CIMIP4: variants seen among roughly 807,000 people sequenced by gnomAD.
CIMIP4 encodes the protein protein EAN57.
the CIMIP4 span, chr22:36,991,618 A>G: frequency 6.2e-7 from 1 of 1,601,884 alleles, no homozygotes. Flanking sequence ...AGAAACCCCA[A>G]GTGCCCAATT....
chr22:36,991,306 G>T, the CIMIP4 span: 1 of 1,610,844 alleles, frequency 6.2e-7, no homozygotes, highest in African/African-American at 1.3e-5. Context: ...AGCCAGCACA[G>T]ATTAGATCAT....
chr22:37,001,698 A>G, the CIMIP4 span: 1 of 865,938 alleles, frequency 1.2e-6, no homozygotes, highest in Non-Finnish European at 1.7e-6. Context: ...AACAGTGCAC[A>G]GTGTTTGGCA....
the CIMIP4 span, chr22:36,999,827 C>A: frequency 1.9e-6 from 3 of 1,609,928 alleles, no homozygotes; most frequent in Non-Finnish European, 2.5e-6. Flanking sequence ...CCACCCTTGC[C>A]CTTTGACTTG....
At chr22:36,991,159 ACAC>A in the CIMIP4 span, 1 of 1,602,450 alleles carries the variant, frequency 6.2e-7, no homozygotes, top group Non-Finnish European at 8.6e-7. Context: ...TGAGTAGAAG[ACAC>A]CTCTACTGTG....
At chr22:37,000,837 G>A in the CIMIP4 span, among the ~76,000 whole-genome samples, 1 of 152,176 alleles carries the variant, frequency 6.6e-6, no homozygotes, top group African/African-American at 2.4e-5. Flanking sequence ...CCTCCAAGTG[G>A]GGCAGAACAT....
chr22:37,002,314 C>T, the CIMIP4 span: 1 of 1,264,610 alleles, frequency 7.9e-7, no homozygotes, highest in Non-Finnish European at 1.0e-6. Context: ...CTGAGCAGGA[C>T]AAAGAGAAAC....
At chr22:36,992,436 C>T in the CIMIP4 span, among the ~76,000 whole-genome samples, 1 of 152,022 alleles carries the variant, frequency 6.6e-6, no homozygotes, top group Non-Finnish European at 1.5e-5. Flanking sequence ...AAGAAACCAT[C>T]CAGAAAGAGC....
chr22:37,005,552 AG>A, the CIMIP4 span, among the ~76,000 whole-genome samples: 1 of 100,636 alleles, frequency 9.9e-6, no homozygotes, highest in Non-Finnish European at 2.0e-5. Context: ...CACCTTAAAC[AG>A]TTTTTTTTTT....
chr22:37,003,512 G>A, the CIMIP4 span, among the ~76,000 whole-genome samples: 45 of 152,122 alleles, frequency 3.0e-4, no homozygotes, highest in Admixed American at 2.8e-3. Context: ...AGTGCCAGCC[G>A]TCTCTCCCTC....
chr22:36,995,388 T>A, the CIMIP4 span, among the ~76,000 whole-genome samples: 2 of 152,184 alleles, frequency 1.3e-5, no homozygotes, highest in African/African-American at 2.4e-5. Flanking sequence ...AGGACCTTCA[T>A]GTTAGCCCAC....
At chr22:36,993,253 G>C in the CIMIP4 span, among the ~76,000 whole-genome samples, 1 of 151,622 alleles carries the variant, frequency 6.6e-6, no homozygotes, top group Non-Finnish European at 1.5e-5. Context: ...CTTGTGATCC[G>C]CCCATCTCGG....
chr22:37,003,281 T>C, the CIMIP4 span, among the ~76,000 whole-genome samples: 2 of 152,216 alleles, frequency 1.3e-5, no homozygotes, highest in Admixed American at 1.3e-4. Flanking sequence ...AATCTGAGTG[T>C]TTAACAAGCC....
chr22:37,003,142 CA>C, the CIMIP4 span, among the ~76,000 whole-genome samples: 1 of 152,266 alleles, frequency 6.6e-6, no homozygotes, highest in South Asian at 2.1e-4. Flanking sequence ...GCTAAACCAT[CA>C]TATCCCCTGG....
the CIMIP4 span, among the ~76,000 whole-genome samples, chr22:37,001,335 G>A: frequency 2.0e-5 from 3 of 151,904 alleles, no homozygotes; most frequent in Admixed American, 6.6e-5. Context: ...GAGAGGGTAA[G>A]TAACTTATCC....
the CIMIP4 span, chr22:36,999,983 G>C: frequency 6.7e-4 from 1,084 of 1,610,770 alleles, 8 homozygotes; most frequent in African/African-American, 0.013. Context: ...AGCCTTTTGA[G>C]CCTGAGCAGG....
At chr22:36,993,016 C>T in the CIMIP4 span, among the ~76,000 whole-genome samples, 176 of 136,238 alleles carry the variant, frequency 1.3e-3, 1 homozygote, top group African/African-American at 4.2e-3. Context: ...TTTTTTTTTT[C>T]TTTTTTTTTT....
the CIMIP4 span, among the ~76,000 whole-genome samples, chr22:37,004,496 C>T: frequency 3.3e-5 from 5 of 152,258 alleles, no homozygotes; most frequent in South Asian, 8.3e-4. Flanking sequence ...GGATTGTATC[C>T]ATTTGCTGAA....
the CIMIP4 span, chr22:37,000,000 G>T: frequency 6.2e-7 from 1 of 1,603,580 alleles, no homozygotes; most frequent in African/African-American, 1.3e-5. Flanking sequence ...CAGGGAGGCA[G>T]GGATGACAGA....
chr22:36,995,302 G>T, the CIMIP4 span, among the ~76,000 whole-genome samples: 1 of 152,194 alleles, frequency 6.6e-6, no homozygotes, highest in African/African-American at 2.4e-5. Context: ...CCAAGGTTTT[G>T]ATTTGTATGT....
Sources: gnomAD v4.1 joint callset for allele counts (sites outside exome capture counted in the v4.1 genomes callset) on GRCh38, gnomAD v4.1.1 for gene constraint, MANE v1.5 for transcripts, NCBI Gene and HGNC (gene_info 2026-07-23, HGNC 2026-07-21) for gene names.